SUPT3H: variants seen among roughly 807,000 people sequenced by gnomAD.
SUPT3H encodes the protein SPT3 homolog, SAGA and STAGA complex component.
Under a neutral mutation model 44.3 loss-of-function variants are expected in SUPT3H, and 44 were observed. The observed-to-expected ratio is 0.99, with a 90% CI of 0.78 to 1.28. The LOEUF is 1.28. Ranked by LOEUF, SUPT3H falls within the 50% of genes most tolerant of loss-of-function variation. The pLI, the probability that SUPT3H is intolerant of heterozygous loss-of-function variation, is 0.00. For synonymous variants in SUPT3H, 124 were observed against 125.6 expected (o/e 0.99, Z 0.09); for missense variants, 380 against 387.1 (o/e 0.98, Z 0.15).
At position 44,829,214 on chromosome 6, in the gene SUPT3H, A is replaced by T. The variant is rs1160735227; in HGVS notation, c.*602T>A. On this transcript the variant is annotated 3_prime_UTR_variant, in exon 11 of 11. Transcript: ENST00000371459. ...ACACACATGAAAGGCAGATGGCAGG[A>T]AGTTGGGAAGCAGGCATTGAAAATG... 6.6e-6 allele frequency: 1 copy of T among 152,232 alleles called. No homozygotes were observed. The highest frequency in any genetic ancestry group is 1.5e-5 in the Non-Finnish European group (1 of 68,110). 9.4% of individuals were successfully genotyped at this position (152,232 alleles called of 1,614,324 possible). A position where few individuals can be genotyped will look rare whatever the true frequency, so the allele number is the denominator to read the frequency against.
rs573884077 is a variant in SUPT3H, at chr6:45,109,983, C to T, written c.102-3977G>A. ...GACAATACCAGTACTGCCTGACTAC[C>T]GTCCACTAAAGGTCTTTCAGGAAAC... On this transcript the variant is annotated intron_variant, in intron 2 of 10. Transcript: ENST00000371459. Among the ~76,000 whole-genome samples the T allele has an allele frequency of 4.7e-4, 71 of 152,236 alleles. No individual in the cohort carries two copies. The South Asian group carries it at 7.3e-3, about 16-fold the overall frequency.
chr6:45,261,587 A>T (rs1774374611), intron 2 of SUPT3H, among the ~76,000 whole-genome samples: 1 of 152,136 alleles, frequency 6.6e-6, no homozygotes, highest in Non-Finnish European at 1.5e-5. Flanking sequence ...CTCAAATAGT[A>T]AGAATCATCT....
At chr6:44,971,527 G>C (rs946691859) in intron 6 of SUPT3H, among the ~76,000 whole-genome samples, 2 of 152,154 alleles carry the variant, frequency 1.3e-5, no homozygotes, top group Non-Finnish European at 2.9e-5. Flanking sequence ...AAAAACATCA[G>C]ATCTCCTGAG....
intron 2 of SUPT3H, among the ~76,000 whole-genome samples, chr6:45,138,750 G>T (rs533414288): frequency 6.6e-6 from 1 of 152,154 alleles, no homozygotes; most frequent in South Asian, 2.1e-4. Context: ...AATTTTAGGG[G>T]GAGGTGAGTA....
intron 2 of SUPT3H, among the ~76,000 whole-genome samples, chr6:45,355,261 T>C (rs945953913): frequency 6.6e-6 from 1 of 151,634 alleles, no homozygotes; most frequent in Non-Finnish European, 1.5e-5. Context: ...CATGCCCAGC[T>C]CCAATAAGCA....
At chr6:45,256,504 A>T (rs868735414) in intron 2 of SUPT3H, among the ~76,000 whole-genome samples, 4 of 152,104 alleles carry the variant, frequency 2.6e-5, no homozygotes, top group Admixed American at 2.6e-4. Flanking sequence ...CCATCTCTTC[A>T]TACCACAACA....
downstream of SUPT3H, among the ~76,000 whole-genome samples, chr6:44,822,869 G>A (rs1355339760): frequency 6.6e-6 from 1 of 151,924 alleles, no homozygotes; most frequent in Non-Finnish European, 1.5e-5. Context: ...TGTAATTCCA[G>A]CACTTTGGGA....
At chr6:45,158,831 A>T (rs966867432) in intron 2 of SUPT3H, 3 of 151,920 alleles carry the variant, frequency 2.0e-5, no homozygotes, top group Non-Finnish European at 4.4e-5. Flanking sequence ...AAAACAAGAC[A>T]CTCCACTACT....
intron 3 of SUPT3H, among the ~76,000 whole-genome samples, chr6:45,037,236 A>G (rs1261889475): frequency 2.0e-5 from 3 of 152,102 alleles, no homozygotes; most frequent in Admixed American, 6.6e-5. Flanking sequence ...TAATTGTATT[A>G]GAAAGCTTTG....
intron 3 of SUPT3H, among the ~76,000 whole-genome samples, chr6:45,096,397 T>C (rs553584931): frequency 6.6e-6 from 1 of 152,170 alleles, no homozygotes; most frequent in Non-Finnish European, 1.5e-5. Context: ...GTATTTTCAT[T>C]ATTTAACATA....
chr6:45,104,689 A>G (rs1029097759), intron 3 of SUPT3H, among the ~76,000 whole-genome samples: 1 of 141,218 alleles, frequency 7.1e-6, no homozygotes, highest in South Asian at 2.1e-4. Context: ...AATAGCAACA[A>G]AGAAGATGAA....
At chr6:45,013,084 T>C (rs1783733542) in intron 5 of SUPT3H, among the ~76,000 whole-genome samples, 1 of 152,116 alleles carries the variant, frequency 6.6e-6, no homozygotes, top group African/African-American at 2.4e-5. Context: ...TGCTCCACTG[T>C]TTCTGATAAT....
intron 2 of SUPT3H, among the ~76,000 whole-genome samples, chr6:45,113,471 T>A (rs1186745912): frequency 6.6e-6 from 1 of 152,190 alleles, no homozygotes; most frequent in Non-Finnish European, 1.5e-5. Context: ...TTTACCCACC[T>A]GTTTTCAAAG....
At chr6:45,147,005 AC>A (rs1468535068) in intron 2 of SUPT3H, among the ~76,000 whole-genome samples, 2 of 152,168 alleles carry the variant, frequency 1.3e-5, no homozygotes, top group Non-Finnish European at 2.9e-5. Context: ...ACCATATGCC[AC>A]CTAAAATTCT....
chr6:45,241,127 G>A (rs985507080), intron 2 of SUPT3H, among the ~76,000 whole-genome samples: 4 of 152,148 alleles, frequency 2.6e-5, no homozygotes, highest in African/African-American at 4.8e-5. Context: ...CGACTCCTGC[G>A]AGAAGTAGCT....
intron 4 of SUPT3H, among the ~76,000 whole-genome samples, chr6:45,019,226 ATTC>A (rs1784757054): frequency 6.6e-6 from 1 of 151,474 alleles, no homozygotes. Context: ...TGTCTATTTG[ATTC>A]TTGTCTCTTT....
chr6:45,068,419 T>TAACCTGCACA (rs1441742644), intron 3 of SUPT3H, among the ~76,000 whole-genome samples: 1 of 149,450 alleles, frequency 6.7e-6, no homozygotes, highest in Non-Finnish European at 1.5e-5. Context: ...CATATGTAAC[T>TAACCTGCACA]AACCTGCACA....
At chr6:45,006,148 G>A (rs115038548) in intron 5 of SUPT3H, among the ~76,000 whole-genome samples, 1,661 of 151,764 alleles carry the variant, frequency 0.011, 15 homozygotes, top group South Asian at 0.028. Context: ...TGCCACTTCC[G>A]CTTTCTTTGC....
chr6:45,275,614 G>A (rs1360048574), intron 2 of SUPT3H, among the ~76,000 whole-genome samples: 1 of 151,968 alleles, frequency 6.6e-6, no homozygotes, highest in Non-Finnish European at 1.5e-5. Flanking sequence ...TTCCACTGGA[G>A]GAAAAACTGG....
Sources: gnomAD v4.1 joint callset for allele counts (sites outside exome capture counted in the v4.1 genomes callset) on GRCh38, gnomAD v4.1.1 for gene constraint, MANE v1.5 for transcripts, NCBI Gene and HGNC (gene_info 2026-07-23, HGNC 2026-07-21) for gene names.